The following TCF4 variants were observed in gnomAD, a reference collection of about 807,000 sequenced individuals.
TCF4 encodes SL3-3 enhancer factor 2.
Under a neutral mutation model 82.1 loss-of-function variants are expected in TCF4, and 3 were observed. The ratio of observed to expected loss-of-function variants is 0.04; its 90% CI spans 0.02 to 0.09. The LOEUF is 0.09. Ranked by LOEUF, TCF4 falls within the 10% of genes least tolerant of loss-of-function variation. The probability of loss-of-function intolerance (pLI) is 1.00; values close to 1 mark genes in which losing one functional copy is unlikely to be tolerated. For synonymous variants in TCF4, 276 were observed against 309.6 expected (o/e 0.89, Z 1.14); for missense variants, 518 against 852.7 (o/e 0.61, Z 4.89).
intron 3 of TCF4, among the ~76,000 whole-genome samples, chr18:55,501,320 C>T (rs1000019584): frequency 2.6e-5 from 4 of 151,760 alleles, no homozygotes; most frequent in Middle Eastern, 3.4e-3. Context: ...ATACTGCATT[C>T]GGAAGGGAAA....
At chr18:55,261,404 T>A in intron 12 of TCF4, 62 bp downstream of exon 12, 1 of 1,585,724 alleles carries the variant, frequency 6.3e-7, no homozygotes, top group Non-Finnish European at 8.7e-7. Flanking sequence ...AAATGTCCAC[T>A]TCTGATTAAA....
chr18:55,464,053 G>A, intron 4 of TCF4, 23 bp downstream of exon 4: 2 of 1,611,802 alleles, frequency 1.2e-6, no homozygotes, highest in Non-Finnish European at 1.7e-6. Context: ...CTGGTTGTGG[G>A]AGAAAAGATT....
chr18:55,556,889 ATAATC>A (rs2097309362), intron 3 of TCF4, among the ~76,000 whole-genome samples: 1 of 152,206 alleles, frequency 6.6e-6, no homozygotes, highest in African/African-American at 2.4e-5. Context: ...ACAGGTTAAT[ATAATC>A]TAAACAAAGT....
intron 8 of TCF4, among the ~76,000 whole-genome samples, chr18:55,339,201 T>C (rs1018706367): frequency 2.6e-5 from 4 of 151,624 alleles, no homozygotes; most frequent in Admixed American, 2.0e-4. Context: ...AAAGTAGTAT[T>C]AAAAAAAAAT....
chr18:55,513,741 A>T (rs1293067123), intron 3 of TCF4, among the ~76,000 whole-genome samples: 2 of 152,104 alleles, frequency 1.3e-5, no homozygotes, highest in Non-Finnish European at 2.9e-5. Context: ...TCCTGAAGTA[A>T]TTTTTCAGAA....
chr18:55,611,739 CA>C (rs2147964537), intron 2 of TCF4, among the ~76,000 whole-genome samples: 1 of 152,082 alleles, frequency 6.6e-6, no homozygotes, highest in South Asian at 2.1e-4. Context: ...ATTATAATTT[CA>C]ACATAAAATC....
At chr18:55,422,469 T>A in intron 5 of TCF4, 3 of 982,952 alleles carry the variant, frequency 3.1e-6, no homozygotes, top group Non-Finnish European at 3.6e-6. Context: ...CATACTTGGG[T>A]CACAAATAAA....
At chr18:55,583,956 G>A (rs909119183) in intron 3 of TCF4, among the ~76,000 whole-genome samples, 1 of 151,910 alleles carries the variant, frequency 6.6e-6, no homozygotes, top group African/African-American at 2.4e-5. Flanking sequence ...ACATAACCAG[G>A]TCCAGGATAG....
intron 5 of TCF4, among the ~76,000 whole-genome samples, chr18:55,419,995 G>T (rs1320618311): frequency 6.6e-6 from 1 of 152,064 alleles, no homozygotes; most frequent in African/African-American, 2.4e-5. Context: ...TTCTAGGGAG[G>T]GTAAAACTGA....
In TCF4 at chr18:55,225,288, T is replaced by C. The variant is rs1044669715; in HGVS notation, c.*2747A>G. ...AATAAATTGCAGCTTTTACTCTGAG[T>C]GAGAACAAAATATAAAGCACCAATT... On this transcript the variant is annotated 3_prime_UTR_variant, in exon 20 of 20. Coordinates refer to ENST00000354452, the MANE Select transcript of TCF4 (RefSeq NM_001083962.2). 3 of 152,568 alleles carry C rather than the reference T, an allele frequency of 2.0e-5. No homozygotes were observed. Among genetic ancestry groups the C allele is most frequent in the Admixed American group, 2.0e-4 (3 of 15,270 alleles). The allele number at this position is 152,568 out of a possible 1,614,324, so 9.5% of individuals were successfully genotyped here. A position where few individuals can be genotyped will look rare whatever the true frequency, so the allele number is the denominator to read the frequency against.
At chr18:55,474,088 A>G (rs1365812175) in intron 3 of TCF4, among the ~76,000 whole-genome samples, 3 of 152,216 alleles carry the variant, frequency 2.0e-5, no homozygotes, top group Non-Finnish European at 4.4e-5. Context: ...AATCTGTAAA[A>G]ATGCATAAAC....
intron 5 of TCF4, among the ~76,000 whole-genome samples, chr18:55,412,606 G>A (rs1342041225): frequency 2.0e-5 from 3 of 152,060 alleles, no homozygotes; most frequent in South Asian, 2.1e-4. Flanking sequence ...CTCTGTCCAC[G>A]TTCTGTGGAG....
At chr18:55,608,369 ATT>A (rs746413576) in intron 2 of TCF4, among the ~76,000 whole-genome samples, 22 of 117,234 alleles carry the variant, frequency 1.9e-4, no homozygotes, top group South Asian at 2.9e-4. Context: ...TTGCCACAGT[ATT>A]TTTTTTTTTT....
chr18:55,254,462 TG>T (rs775511249), intron 15 of TCF4, 34 bp downstream of exon 15: 1 of 1,580,444 alleles, frequency 6.3e-7, no homozygotes, highest in East Asian at 2.2e-5. Flanking sequence ...TAACTCTATA[TG>T]ATAACTATAG....
chr18:55,589,534 TA>T (rs1006207063), upstream of TCF4: 53 of 1,022,344 alleles, frequency 5.2e-5, no homozygotes, highest in Admixed American at 1.1e-4. Context: ...AAGAAATCAT[TA>T]AAAAAAAATC....
intron 2 of TCF4, among the ~76,000 whole-genome samples, chr18:55,602,036 C>T (rs565025222): frequency 1.6e-4 from 25 of 152,238 alleles, no homozygotes; most frequent in African/African-American, 6.0e-4. Flanking sequence ...GCCATGTTTT[C>T]ACATCACTAT....
chr18:55,254,384 A>G, intron 15 of TCF4, 113 bp downstream of exon 15: 3 of 1,004,438 alleles, frequency 3.0e-6, no homozygotes, highest in Non-Finnish European at 4.5e-6. Context: ...TCGTATGTTA[A>G]GTGAATTATA....
chr18:55,350,825 G>T, intron 7 of TCF4, 49 bp downstream of exon 7: 1 of 1,611,086 alleles, frequency 6.2e-7, no homozygotes, highest in Non-Finnish European at 8.5e-7. Context: ...AAGAAAAAAA[G>T]AAAAAGGCAT....
intron 8 of TCF4, among the ~76,000 whole-genome samples, chr18:55,323,685 A>C (rs1242806850): frequency 1.3e-5 from 2 of 152,210 alleles, no homozygotes; most frequent in African/African-American, 4.8e-5. Flanking sequence ...AACCACCCTC[A>C]CTGCTTAATA....
Sources: gnomAD v4.1 joint callset for allele counts (sites outside exome capture counted in the v4.1 genomes callset) on GRCh38, gnomAD v4.1.1 for gene constraint, MANE v1.5 for transcripts, NCBI Gene and HGNC (gene_info 2026-07-23, HGNC 2026-07-21) for gene names.